Variants in TRMT11 observed in about 807,000 individuals in gnomAD.
TRMT11 encodes tRNA methyltransferase 11, also known as tRNA (guanine(10)-N(2))-methyltransferase TRMT11.
A neutral mutation model predicts 62.8 loss-of-function variants in TRMT11; 53 were observed. That is an observed-to-expected ratio of 0.84 (90% CI 0.68 to 1.06). TRMT11 has a LOEUF of 1.06. Among genes scored for constraint, TRMT11 ranks in the 50% least tolerant of loss-of-function variants. The pLI is 0.00. For synonymous variants in TRMT11, 188 were observed against 190.3 expected (o/e 0.99, Z 0.10); for missense variants, 556 against 553.4 (o/e 1.00, Z -0.05).
intron 11 of TRMT11, among the ~76,000 whole-genome samples, chr6:126,016,718 T>C (rs1165292329): frequency 6.6e-6 from 1 of 151,138 alleles, no homozygotes; most frequent in African/African-American, 2.4e-5. Context: ...TTTTTTTGTC[T>C]TAGATGTTTT....
At chr6:126,088,272 C>G (rs1777236752) in intron 17 of TRMT11, among the ~76,000 whole-genome samples, 1 of 152,130 alleles carries the variant, frequency 6.6e-6, no homozygotes, top group African/African-American at 2.4e-5. Context: ...CAGACTGTGA[C>G]CGTCTTCATC....
At chr6:126,061,118 T>C (rs1328321128) in intron 17 of TRMT11, among the ~76,000 whole-genome samples, 1 of 152,234 alleles carries the variant, frequency 6.6e-6, no homozygotes, top group Non-Finnish European at 1.5e-5. Flanking sequence ...GTCTCAGTCC[T>C]CCTGTACTTG....
chr6:125,987,715 T>C (rs1191171455), intron 1 of TRMT11, among the ~76,000 whole-genome samples: 4 of 152,150 alleles, frequency 2.6e-5, no homozygotes, highest in African/African-American at 9.7e-5. Context: ...GCTGGATTGA[T>C]TGAATATGTG....
At chr6:126,078,139 A>G (rs182991539) in intron 17 of TRMT11, among the ~76,000 whole-genome samples, 3 of 152,284 alleles carry the variant, frequency 2.0e-5, no homozygotes, top group Admixed American at 1.3e-4. Flanking sequence ...ATTCTTATAA[A>G]AGAGACCTCT....
chr6:126,031,623 G>A (rs1324915191), intron 12 of TRMT11, among the ~76,000 whole-genome samples: 4 of 152,164 alleles, frequency 2.6e-5, no homozygotes, highest in African/African-American at 9.7e-5. Flanking sequence ...GGTATATGTG[G>A]GGAACCCTGG....
chr6:126,160,932 G>C (rs1562337298), intron 21 of TRMT11, among the ~76,000 whole-genome samples: 1 of 152,090 alleles, frequency 6.6e-6, no homozygotes, highest in Non-Finnish European at 1.5e-5. Context: ...AGAAATAAAA[G>C]TACAGAAAGT....
At chr6:126,165,824 G>A (rs1440434874) in intron 21 of TRMT11, among the ~76,000 whole-genome samples, 1 of 152,098 alleles carries the variant, frequency 6.6e-6, no homozygotes, top group African/African-American at 2.4e-5. Flanking sequence ...TTTGTATATT[G>A]GCCTGTCTTG....
chr6:126,208,314 A>G (rs1049230338), downstream of TRMT11, among the ~76,000 whole-genome samples: 1 of 152,174 alleles, frequency 6.6e-6, no homozygotes, highest in Non-Finnish European at 1.5e-5. Flanking sequence ...GCAGTTATTG[A>G]TATTAACTGC....
At chr6:126,008,181 A>G (rs778421422) in intron 7 of TRMT11, among the ~76,000 whole-genome samples, 67 of 152,190 alleles carry the variant, frequency 4.4e-4, no homozygotes, top group South Asian at 1.0e-3. Context: ...ATGCCAGGGT[A>G]TACATTAATT....
intron 1 of TRMT11, among the ~76,000 whole-genome samples, chr6:126,192,433 C>G (rs1343345780): frequency 6.6e-6 from 1 of 151,994 alleles, no homozygotes; most frequent in Non-Finnish European, 1.5e-5. Flanking sequence ...GCCTTCTTTT[C>G]CTTTCTCTTG....
At chr6:126,177,725 G>C (rs1212989750) in intron 1 of TRMT11, among the ~76,000 whole-genome samples, 1 of 151,992 alleles carries the variant, frequency 6.6e-6, no homozygotes, top group African/African-American at 2.4e-5. Flanking sequence ...GAGCTCAGAA[G>C]GGTGCTCTGA....
intron 17 of TRMT11, among the ~76,000 whole-genome samples, chr6:126,074,324 G>A (rs1175586103): frequency 6.6e-6 from 1 of 152,176 alleles, no homozygotes; most frequent in Non-Finnish European, 1.5e-5. Flanking sequence ...CCGCTGGATA[G>A]CATTGGACTG....
At chr6:126,202,407 C>T (rs1209455424), downstream of TRMT11, among the ~76,000 whole-genome samples, 6 of 152,170 alleles carry the variant, frequency 3.9e-5, no homozygotes, top group Non-Finnish European at 7.3e-5. Context: ...GCATGTGCCT[C>T]ACAAATATTT....
chr6:126,024,770 G>A (rs949470947), intron 12 of TRMT11, among the ~76,000 whole-genome samples: 3 of 152,028 alleles, frequency 2.0e-5, no homozygotes, highest in African/African-American at 7.2e-5. Context: ...ATGCTTTTTT[G>A]TCTCCTCTCC....
Position 126,008,381 on chromosome 6 carries a change from T to C in TRMT11, c.680-11T>C. 1 of 1,612,586 alleles carries C rather than the reference T, an allele frequency of 6.2e-7. No homozygotes were observed. The highest frequency in any genetic ancestry group is 8.5e-7 in the Non-Finnish European group (1 of 1,178,804). ...TACTGGTTAACAGGTCAAAATTGTG[T>C]GATTTTTCAGGTGGCCTGCTGATAG... On this transcript the variant is annotated splice_polypyrimidine_tract_variant and intron_variant, in intron 7 of 12. Coordinates refer to ENST00000334379, the MANE Select transcript of TRMT11 (RefSeq NM_001031712.3).
chr6:126,177,844 G>A (rs984468700), intron 1 of TRMT11, among the ~76,000 whole-genome samples: 18 of 151,926 alleles, frequency 1.2e-4, no homozygotes, highest in African/African-American at 4.3e-4. Flanking sequence ...AAGGTATACA[G>A]CCTCTCTCAA....
intron 21 of TRMT11, among the ~76,000 whole-genome samples, chr6:126,158,963 C>G (rs1389422243): frequency 6.6e-6 from 1 of 152,150 alleles, no homozygotes; most frequent in Non-Finnish European, 1.5e-5. Context: ...TCTTTAAAGC[C>G]TCTGGGCTCT....
intron 9 of TRMT11, among the ~76,000 whole-genome samples, chr6:126,012,557 A>T (rs561640298): frequency 6.6e-6 from 1 of 152,312 alleles, no homozygotes; most frequent in African/African-American, 2.4e-5. Flanking sequence ...ACACTTCCAC[A>T]GCTTTTCTCA....
At chr6:126,005,096 T>C (rs1793161015) in intron 7 of TRMT11, among the ~76,000 whole-genome samples, 2 of 152,104 alleles carry the variant, frequency 1.3e-5, no homozygotes, top group Non-Finnish European at 2.9e-5. Flanking sequence ...GCTAAAGGAA[T>C]GATCATCATG....
Sources: allele counts gnomAD v4.1 joint callset (sites outside exome capture counted in the v4.1 genomes callset), GRCh38; gene constraint gnomAD v4.1.1; transcripts MANE v1.5; gene names NCBI Gene and HGNC (gene_info 2026-07-23, HGNC 2026-07-21).